UNC13B: variants seen among roughly 807,000 people sequenced by gnomAD.
The protein encoded by UNC13B is unc-13 homolog B.
UNC13B carries 144 observed loss-of-function variants against 211.0 expected under a neutral mutation model. That is an observed-to-expected ratio of 0.68 (90% confidence interval 0.60 to 0.78). The LOEUF is 0.78. UNC13B is among the 30% of genes least tolerant of loss of function. The pLI, the probability that UNC13B is intolerant of heterozygous loss-of-function variation, is 0.00. For synonymous variants in UNC13B, 709 were observed against 725.8 expected (o/e 0.98, Z 0.37); for missense variants, 1,777 against 2,002.0 (o/e 0.89, Z 2.14).
chr9:35,294,227 C>T (rs1046988990), intron 7 of UNC13B, among the ~76,000 whole-genome samples: 1 of 151,896 alleles, frequency 6.6e-6, no homozygotes, highest in Non-Finnish European at 1.5e-5. Flanking sequence ...AGATGCAGGT[C>T]CTTATCTCCT....
chr9:35,283,846 G>A (rs1828641415), intron 7 of UNC13B, among the ~76,000 whole-genome samples: 1 of 152,138 alleles, frequency 6.6e-6, no homozygotes, highest in South Asian at 2.1e-4. Flanking sequence ...GATAGGCAGC[G>A]TGAACAGCTA....
rs1829630181 is a variant in UNC13B, at chr9:35,300,650, G to A, written c.1246G>A (p.Ala416Thr). ...IGDFPEEYYV[A>T]NSALPLQRMN... Reference sequence around the variant, plus strand: ...AGATTTTCCTGAGGAATATTATGTAGCAAATTCAGCATTGCCATTACAAAG... The same window carrying A: ...AGATTTTCCTGAGGAATATTATGTAACAAATTCAGCATTGCCATTACAAAG... The change falls in exon 9 of 40, where the codon GCA (alanine) becomes ACA (threonine). Residue 416 changes from alanine (A) to threonine (T), a missense_variant. Transcript: ENST00000635942. 2 of 398,958 alleles carry A rather than the reference G, an allele frequency of 5.0e-6. No homozygotes were observed. 24.7% of individuals were successfully genotyped at this position (398,958 alleles called of 1,614,324 possible). A position where few individuals can be genotyped will look rare whatever the true frequency, so the allele number is the denominator to read the frequency against.
intron 1 of UNC13B, among the ~76,000 whole-genome samples, chr9:35,204,960 T>C (rs141416473): frequency 5.5e-4 from 84 of 152,310 alleles, no homozygotes; most frequent in African/African-American, 1.9e-3. Flanking sequence ...ACAAATCTCA[T>C]GTTGAATTGT....
intron 7 of UNC13B, among the ~76,000 whole-genome samples, chr9:35,285,198 T>C (rs1828720536): frequency 6.6e-6 from 1 of 152,176 alleles, no homozygotes; most frequent in African/African-American, 2.4e-5. Context: ...AGTAGGATAG[T>C]GGGTCTGGCT....
chr9:35,263,242 T>TAGTTCG (rs1827380434), intron 7 of UNC13B, among the ~76,000 whole-genome samples: 1 of 151,822 alleles, frequency 6.6e-6, no homozygotes, highest in Admixed American at 6.6e-5. Context: ...AATGACTTAA[T>TAGTTCG]AGTTAAACAG....
At chr9:35,178,307 C>T (rs1821747390) in intron 1 of UNC13B, among the ~76,000 whole-genome samples, 1 of 151,870 alleles carries the variant, frequency 6.6e-6, no homozygotes, top group Non-Finnish European at 1.5e-5. Context: ...TCCAGGGGTT[C>T]AAGACTAGTC....
At chr9:35,268,169 A>C (rs930559367) in intron 7 of UNC13B, among the ~76,000 whole-genome samples, 1 of 152,174 alleles carries the variant, frequency 6.6e-6, no homozygotes. Context: ...ACTTGGATTC[A>C]GAGCAGAAAA....
rs989750601 is a variant in UNC13B at position 35,162,166 on chromosome 9, T to C, written c.-118T>C. On this transcript the variant is annotated 5_prime_UTR_variant, in exon 1 of 40. The change abolishes an upstream ATG in the 5' untranslated region. Coordinates refer to ENST00000635942, the MANE Select transcript of UNC13B (RefSeq NM_001371189.2). ...GGGACGCTACCTGCGACCGGGACCA[T>C]GAGGAGCTGCCAGACCCGTGGGGCC... 2 of 1,452,798 alleles carry C rather than the reference T, an allele frequency of 1.4e-6. No homozygotes were observed. The highest frequency in any genetic ancestry group is 1.2e-5 in the South Asian group (1 of 81,932). The allele number at this position is 1,452,798 out of a possible 1,614,324, so 90.0% of individuals were successfully genotyped here.
chr9:35,199,174 A>G (rs1564062362), intron 1 of UNC13B, among the ~76,000 whole-genome samples: 1 of 152,060 alleles, frequency 6.6e-6, no homozygotes, highest in African/African-American at 2.4e-5. Context: ...ACATGAACTC[A>G]TCCTTTTTTA....
intron 7 of UNC13B, among the ~76,000 whole-genome samples, chr9:35,260,722 T>C (rs1404011662): frequency 1.3e-5 from 2 of 152,180 alleles, no homozygotes; most frequent in Non-Finnish European, 2.9e-5. Context: ...TTTAAGGTCA[T>C]AGGAGGTCAG....
chr9:35,265,439 G>A (rs1399408778), intron 7 of UNC13B, among the ~76,000 whole-genome samples: 1 of 152,226 alleles, frequency 6.6e-6, no homozygotes, highest in Non-Finnish European at 1.5e-5. Context: ...GGGCTTTCCA[G>A]CCTCAGACTG....
chr9:35,350,070 A>G (rs1832616511), intron 11 of UNC13B, among the ~76,000 whole-genome samples: 1 of 152,232 alleles, frequency 6.6e-6, no homozygotes, highest in Non-Finnish European at 1.5e-5. Flanking sequence ...CCCTCCCAGG[A>G]GACCTAGCAG....
At chr9:35,299,949 AG>A (rs938937092) in intron 8 of UNC13B, among the ~76,000 whole-genome samples, 7 of 152,314 alleles carry the variant, frequency 4.6e-5, no homozygotes, top group Admixed American at 4.6e-4. Flanking sequence ...GATATACATA[AG>A]GAGATAGAGG....
intron 1 of UNC13B, among the ~76,000 whole-genome samples, chr9:35,213,383 A>G (rs190180823): frequency 2.0e-5 from 3 of 152,330 alleles, no homozygotes; most frequent in South Asian, 2.1e-4. Context: ...GCCAGGAAGT[A>G]TGAGCCCTTA....
chr9:35,397,018 G>T, intron 28 of UNC13B, 81 bp downstream of exon 28: 1 of 1,600,554 alleles, frequency 6.2e-7, no homozygotes, highest in Non-Finnish European at 8.6e-7. Context: ...CTGGGCTTTG[G>T]CCAGGATGGC....
intron 11 of UNC13B, chr9:35,353,293 C>A: frequency 8.1e-7 from 1 of 1,232,244 alleles, no homozygotes; most frequent in South Asian, 4.1e-5. Flanking sequence ...GAGCAATTCA[C>A]CACTTTCGTT....
At chr9:35,272,212 G>GTTT (rs55638252) in intron 7 of UNC13B, among the ~76,000 whole-genome samples, 1 of 137,448 alleles carries the variant, frequency 7.3e-6, no homozygotes, top group East Asian at 2.2e-4. Flanking sequence ...TAATTTTTTT[G>GTTT]TTTTTTTTTT....
intron 11 of UNC13B, among the ~76,000 whole-genome samples, chr9:35,358,280 T>G (rs932487005): frequency 7.6e-6 from 1 of 131,346 alleles, no homozygotes; most frequent in Non-Finnish European, 1.5e-5. Flanking sequence ...TATACAAATA[T>G]TTTTTGAGTC....
At chr9:35,351,665 C>G (rs1587678361) in intron 11 of UNC13B, 3 of 1,232,268 alleles carry the variant, frequency 2.4e-6, no homozygotes, top group Non-Finnish European at 3.0e-6. Flanking sequence ...TGGATCCTTA[C>G]CAGAGGACAA....
Sources: gnomAD v4.1 joint callset for allele counts (sites outside exome capture counted in the v4.1 genomes callset) on GRCh38, gnomAD v4.1.1 for gene constraint, MANE v1.5 for transcripts, NCBI Gene and HGNC (gene_info 2026-07-23, HGNC 2026-07-21) for gene names.